Variants in DIAPH2 observed in about 807,000 individuals in gnomAD.
DIAPH2 encodes the protein diaphanous related formin 2.
Under a neutral mutation model 92.7 loss-of-function variants are expected in DIAPH2, and 35 were observed. The ratio of observed to expected loss-of-function variants is 0.38; its 90% CI spans 0.29 to 0.50. The LOEUF (loss-of-function observed/expected upper bound fraction) is 0.50, where lower values mean the gene tolerates loss of function less well. Among genes scored for constraint, DIAPH2 ranks in the 20% least tolerant of loss-of-function variants. The pLI, the probability that DIAPH2 is intolerant of heterozygous loss-of-function variation, is 0.94. For synonymous variants in DIAPH2, 301 were observed against 280.4 expected (o/e 1.07, Z -0.73); for missense variants, 701 against 819.5 (o/e 0.86, Z 1.77).
At chrX:97,299,377 G>C (rs2068674859) in intron 23 of DIAPH2, among the ~76,000 whole-genome samples, 1 of 111,841 alleles carries the variant, frequency 8.9e-6, no homozygotes, top group African/African-American at 3.2e-5. Context: ...TCATTTTAGA[G>C]AGTGCTTGGT....
chrX:97,251,693 G>A (rs1434336108), intron 23 of DIAPH2, among the ~76,000 whole-genome samples: 1 of 111,813 alleles, frequency 8.9e-6, no homozygotes, highest in Non-Finnish European at 1.9e-5. Context: ...AAAGTGCTGG[G>A]ATTACAGGCA....
chrX:96,883,120 T>A (rs2065230497), intron 5 of DIAPH2, among the ~76,000 whole-genome samples: 1 of 110,889 alleles, frequency 9.0e-6, no homozygotes. Context: ...CTAAGTCTTG[T>A]ACTTTTCTGT....
intron 23 of DIAPH2, among the ~76,000 whole-genome samples, chrX:97,298,574 G>GT (rs1211384346): frequency 7.4e-5 from 7 of 94,994 alleles, no homozygotes; most frequent in Non-Finnish European, 1.3e-4. Flanking sequence ...TTATATATGT[G>GT]TTTTTTTCAC....
intron 7 of DIAPH2, among the ~76,000 whole-genome samples, chrX:96,914,915 C>A (rs1165060934): frequency 1.8e-5 from 2 of 111,246 alleles, no homozygotes; most frequent in Non-Finnish European, 3.8e-5. Context: ...CTTTTCACTT[C>A]ATGTTGGAAT....
intron 4 of DIAPH2, among the ~76,000 whole-genome samples, chrX:96,812,457 T>G (rs2147663514): frequency 8.9e-6 from 1 of 111,793 alleles, no homozygotes; most frequent in South Asian, 3.7e-4. Context: ...TTTGTTGATC[T>G]TTTCAAAAAC....
intron 1 of DIAPH2, among the ~76,000 whole-genome samples, chrX:96,708,205 A>C (rs1306336286): frequency 1.0e-5 from 1 of 99,696 alleles, no homozygotes. Context: ...CTCAGGTGAC[A>C]CCCATCCTCC....
intron 26 of DIAPH2, among the ~76,000 whole-genome samples, chrX:97,548,070 C>T (rs1352944933): frequency 8.9e-6 from 1 of 112,077 alleles, no homozygotes; most frequent in African/African-American, 3.2e-5. Context: ...CATGTGACCA[C>T]TGGGAAAGGT....
chrX:97,042,544 A>G (rs973925608), intron 17 of DIAPH2, among the ~76,000 whole-genome samples: 141 of 112,122 alleles, frequency 1.3e-3, no homozygotes, highest in African/African-American at 4.3e-3. Flanking sequence ...GAGTTTTACT[A>G]TCATACCAAC....
At chrX:96,758,698 C>T (rs982105659) in intron 4 of DIAPH2, among the ~76,000 whole-genome samples, 7 of 111,773 alleles carry the variant, frequency 6.3e-5, no homozygotes, top group South Asian at 3.7e-4. Context: ...TTTTTTAATT[C>T]GCAGTTAGCT....
chrX:96,931,571 G>A (rs776568925), intron 10 of DIAPH2, among the ~76,000 whole-genome samples: 57 of 109,557 alleles, frequency 5.2e-4, no homozygotes, highest in Middle Eastern at 9.3e-3. Flanking sequence ...GAGACAAGAA[G>A]TAAAAGTAAG....
intron 23 of DIAPH2, among the ~76,000 whole-genome samples, chrX:97,283,781 A>G (rs1009840323): frequency 8.9e-6 from 1 of 111,917 alleles, no homozygotes; most frequent in African/African-American, 3.2e-5. Context: ...TGTCTCTACT[A>G]AAAATACAAA....
At chrX:97,299,089 G>A (rs776614510) in intron 23 of DIAPH2, among the ~76,000 whole-genome samples, 1 of 111,566 alleles carries the variant, frequency 9.0e-6, no homozygotes, top group East Asian at 2.8e-4. Context: ...CAGGCCAATT[G>A]AGCAGTCATT....
chrX:96,919,132 C>A (rs1188370183), intron 9 of DIAPH2, among the ~76,000 whole-genome samples: 4 of 112,272 alleles, frequency 3.6e-5, no homozygotes, highest in Non-Finnish European at 5.6e-5. Context: ...TGACAAAACT[C>A]ACTATCTTTA....
intron 1 of DIAPH2, among the ~76,000 whole-genome samples, chrX:96,733,244 A>G (rs578122875): frequency 8.9e-6 from 1 of 112,175 alleles, no homozygotes. Flanking sequence ...AACGTGCTAA[A>G]TCTTGTTCAG....
chrX:97,300,793 A>G (rs1165362734), intron 23 of DIAPH2, among the ~76,000 whole-genome samples: 35 of 98,168 alleles, frequency 3.6e-4, no homozygotes, highest in South Asian at 1.0e-3. Context: ...TTAGCCGGGC[A>G]TGGTGGCGGG....
At chrX:97,570,695 C>CTT (rs1406795822) in intron 26 of DIAPH2, among the ~76,000 whole-genome samples, 1 of 110,861 alleles carries the variant, frequency 9.0e-6, no homozygotes, top group African/African-American at 3.3e-5. Flanking sequence ...CAGGAAGGCA[C>CTT]TTTATGTATT....
intron 26 of DIAPH2, among the ~76,000 whole-genome samples, chrX:97,495,512 T>C (rs1354731665): frequency 9.0e-6 from 1 of 111,712 alleles, no homozygotes; most frequent in Non-Finnish European, 1.9e-5. Context: ...ATTTAAGTGG[T>C]ACCAAGGTAT....
At chrX:97,512,200 C>G (rs1282737484) in intron 26 of DIAPH2, among the ~76,000 whole-genome samples, 3 of 113,445 alleles carry the variant, frequency 2.6e-5, no homozygotes, top group Non-Finnish European at 3.7e-5. Flanking sequence ...TCTTATTGGT[C>G]TACTCAGAGA....
chrX:96,809,410 T>G (rs892674271), intron 4 of DIAPH2, among the ~76,000 whole-genome samples: 1 of 110,682 alleles, frequency 9.0e-6, no homozygotes, highest in African/African-American at 3.3e-5. Flanking sequence ...ACAATATTGT[T>G]AACGACAGAT....
Sources: allele counts gnomAD v4.1 joint callset (sites outside exome capture counted in the v4.1 genomes callset), GRCh38; gene constraint gnomAD v4.1.1; transcripts MANE v1.5; gene names NCBI Gene and HGNC (gene_info 2026-07-23, HGNC 2026-07-21).